ZC4H2: variants seen among roughly 807,000 people sequenced by gnomAD.
ZC4H2 encodes zinc finger C4H2-type containing.
For missense variants in ZC4H2, 137 were observed against 173.9 expected (o/e 0.79, Z 1.19); for synonymous variants, 84 against 66.3 (o/e 1.27, Z -1.30).
At chrX:64,927,665 T>G (rs765399675) in intron 1 of ZC4H2, among the ~76,000 whole-genome samples, 9 of 112,201 alleles carry the variant, frequency 8.0e-5, no homozygotes, top group Admixed American at 2.8e-4. Context: ...AATTGCTGGG[T>G]CAAATGGTAT....
chrX:64,954,398 A>G (rs915282379), intron 1 of ZC4H2, among the ~76,000 whole-genome samples: 2 of 85,069 alleles, frequency 2.4e-5, no homozygotes, highest in Non-Finnish European at 4.2e-5. Context: ...AATTATATAT[A>G]TATATGCTCA....
intron 1 of ZC4H2, among the ~76,000 whole-genome samples, chrX:64,948,190 T>G (rs1057042187): frequency 9.0e-6 from 1 of 111,379 alleles, no homozygotes; most frequent in African/African-American, 3.3e-5. Context: ...TGAGTTTCTT[T>G]GGGCGAATTT....
chrX:64,988,663 T>C (rs777272235), intron 1 of ZC4H2, among the ~76,000 whole-genome samples: 2 of 111,221 alleles, frequency 1.8e-5, no homozygotes, highest in South Asian at 7.6e-4. Flanking sequence ...TTTCTCCCAT[T>C]CTGTAGGTTG....
chrX:64,979,530 C>T (rs1324990113), upstream of ZC4H2, among the ~76,000 whole-genome samples: 1 of 112,210 alleles, frequency 8.9e-6, no homozygotes, highest in Non-Finnish European at 1.9e-5. Context: ...CTCACCTGTT[C>T]CTTGCTGAAT....
At chrX:64,951,304 G>A (rs1930816028) in intron 1 of ZC4H2, among the ~76,000 whole-genome samples, 2 of 111,967 alleles carry the variant, frequency 1.8e-5, no homozygotes, top group South Asian at 7.5e-4. Flanking sequence ...ATACTCCTTT[G>A]GGTATATACC....
At chrX:64,927,574 C>A (rs1442450004) in intron 1 of ZC4H2, among the ~76,000 whole-genome samples, 1 of 111,959 alleles carries the variant, frequency 8.9e-6, no homozygotes, top group Non-Finnish European at 1.9e-5. Flanking sequence ...CTATTGTGAA[C>A]TGTGTTGCAA....
chrX:64,918,093 G>A (rs1929016169), intron 4 of ZC4H2, 197 bp from the exon 5 acceptor site: 1 of 417,936 alleles, frequency 2.4e-6, no homozygotes, highest in South Asian at 5.2e-5. Context: ...AGAGAATGGT[G>A]TTGAGAAAAA....
At chrX:64,936,569 G>A (rs1930021373) in intron 1 of ZC4H2, among the ~76,000 whole-genome samples, 1 of 112,055 alleles carries the variant, frequency 8.9e-6, no homozygotes, top group South Asian at 3.7e-4. Context: ...ACTAACAGCA[G>A]ATCTCTCTGC....
chrX:65,009,827 C>T (rs1025225451), intron 1 of ZC4H2, among the ~76,000 whole-genome samples: 14 of 111,410 alleles, frequency 1.3e-4, no homozygotes, highest in African/African-American at 4.6e-4. Flanking sequence ...TAATAAAGTC[C>T]TTTGTCTTTG....
chrX:65,001,856 T>G (rs915399883), intron 1 of ZC4H2, among the ~76,000 whole-genome samples: 14 of 111,964 alleles, frequency 1.3e-4, no homozygotes, highest in African/African-American at 4.2e-4. Flanking sequence ...GGGTGTTACA[T>G]AATGGTAAAG....
intron 1 of ZC4H2, among the ~76,000 whole-genome samples, chrX:64,931,662 G>C (rs1286074459): frequency 9.0e-6 from 1 of 111,269 alleles, no homozygotes; most frequent in Non-Finnish European, 1.9e-5. Flanking sequence ...CTATAGTTTT[G>C]AGGGTTCTTT....
chrX:64,934,418 C>A (rs1929895363), intron 1 of ZC4H2, among the ~76,000 whole-genome samples: 1 of 112,053 alleles, frequency 8.9e-6, no homozygotes, highest in African/African-American at 3.2e-5. Context: ...TAAACTGGTC[C>A]ATTTCATGCA....
chrX:64,942,993 G>C (rs1930361435), intron 1 of ZC4H2, among the ~76,000 whole-genome samples: 1 of 112,059 alleles, frequency 8.9e-6, no homozygotes, highest in African/African-American at 3.2e-5. Flanking sequence ...TGCGTCTTTT[G>C]TTTCCTGACT....
intron 1 of ZC4H2, among the ~76,000 whole-genome samples, chrX:64,932,474 T>C (rs1172860916): frequency 8.9e-6 from 1 of 111,733 alleles, no homozygotes; most frequent in Non-Finnish European, 1.9e-5. Context: ...GATTTATGCT[T>C]TAAGAAGGTT....
chrX:65,006,617 G>A (rs971761530), intron 1 of ZC4H2, among the ~76,000 whole-genome samples: 12 of 110,515 alleles, frequency 1.1e-4, no homozygotes, highest in Non-Finnish European at 2.1e-4. Context: ...TAAATGACAA[G>A]TTAATGGGTG....
At chrX:65,012,224 C>CAAAAAAAAAAAAAAAAAAAAAGAAA (rs1932761263) in intron 1 of ZC4H2, among the ~76,000 whole-genome samples, 1 of 25,340 alleles carries the variant, frequency 3.9e-5, no homozygotes, top group African/African-American at 9.5e-5. Flanking sequence ...GACCCCGTCT[C>CAAAAAAAAAAAAAAAAAAAAAGAAA]AAAAAAAAAA....
At chrX:64,958,554 C>T (rs1308859195) in intron 1 of ZC4H2, among the ~76,000 whole-genome samples, 4 of 111,640 alleles carry the variant, frequency 3.6e-5, no homozygotes, top group Non-Finnish European at 7.5e-5. Flanking sequence ...GTTGACTCTT[C>T]CAGGGACAGA....
rs1931055970 is a variant in ZC4H2, at chrX:64,954,366, A to AAT, written c.53+21958_53+21959insAT. Reference sequence around the variant, plus strand: ...TATATATATATATAATTATATATATATATATAATTATATATATTTATAATT... The same window carrying AAT: ...TATATATATATATAATTATATATATAATTATATAATTATATATATTTATAATT... On this transcript the variant is annotated intron_variant, in intron 1 of 4. Transcript: ENST00000374839. Among the ~76,000 whole-genome samples, 2 of 75,122 alleles carry AAT rather than the reference A, an allele frequency of 2.7e-5. 1 individual carries two copies. Among genetic ancestry groups the AAT allele is most frequent in the African/African-American group, 1.8e-4 (2 of 10,996 alleles). The allele number at this position is 75,122 out of a possible 115,157, so 65.2% of individuals were successfully genotyped here. A position where few individuals can be genotyped will look rare whatever the true frequency, so the allele number is the denominator to read the frequency against.
At chrX:64,934,675 T>A (rs1207401565) in intron 1 of ZC4H2, among the ~76,000 whole-genome samples, 2 of 111,835 alleles carry the variant, frequency 1.8e-5, no homozygotes, top group Non-Finnish European at 3.8e-5. Flanking sequence ...GGACAGTGGG[T>A]GCAGACCAAG....
Sources: gnomAD v4.1 joint callset for allele counts (sites outside exome capture counted in the v4.1 genomes callset) on GRCh38, gnomAD v4.1.1 for gene constraint, MANE v1.5 for transcripts, NCBI Gene and HGNC (gene_info 2026-07-23, HGNC 2026-07-21) for gene names.